The following COG6 variants were observed in gnomAD, a reference collection of about 807,000 sequenced individuals.
The protein encoded by COG6 is conserved oligomeric Golgi complex subunit 6.
COG6 carries 74 observed loss-of-function variants against 88.8 expected under a neutral mutation model. The observed-to-expected ratio is 0.83, with a 90% CI of 0.69 to 1.01. COG6 has a LOEUF of 1.01. Ranked by LOEUF, COG6 falls within the 50% of genes least tolerant of loss-of-function variation. The probability of loss-of-function intolerance (pLI) is 0.00; values close to 1 mark genes in which losing one functional copy is unlikely to be tolerated. For synonymous variants in COG6, 286 were observed against 278.7 expected (o/e 1.03, Z -0.26); for missense variants, 800 against 797.9 (o/e 1.00, Z -0.03).
chr13:39,687,754 GA>G lies in COG6; in HGVS notation c.968del (p.Lys323ArgfsTer8). 1 of 1,614,022 alleles carries G rather than the reference GA, an allele frequency of 6.2e-7. No individual in the cohort carries two copies. The highest frequency in any genetic ancestry group is 8.5e-7 in the Non-Finnish European group (1 of 1,179,976). On this transcript the variant is annotated frameshift_variant, in exon 10 of 19. Transcript: ENST00000455146. LOFTEE classifies it high-confidence loss of function. The part of the protein sequence containing the change: ...LAWLHQATAS[E>X]KEHLEALLKH... ...TTGGCTCCATCAAGCTACTGCTTCT[GA>G]AAAGGAACACCTTGAAGCTCTCTTA...
chr13:39,680,115 C>T (rs1309340144), intron 7 of COG6, 70 bp downstream of exon 7: 4 of 867,258 alleles, frequency 4.6e-6, no homozygotes, highest in Admixed American at 1.9e-5. Context: ...TTTACTTGGT[C>T]TTTATTTGAT....
chr13:39,786,930 A>C (rs1282777152), intron 18 of COG6, among the ~76,000 whole-genome samples: 1 of 152,228 alleles, frequency 6.6e-6, no homozygotes, highest in East Asian at 1.9e-4. Flanking sequence ...AAAGATTTGC[A>C]TCTGAAATGC....
intron 12 of COG6, among the ~76,000 whole-genome samples, chr13:39,699,285 C>T (rs1877441631): frequency 6.6e-6 from 1 of 151,664 alleles, no homozygotes; most frequent in South Asian, 2.1e-4. Flanking sequence ...ATATTGAAAA[C>T]ATAGTAGTTT....
At chr13:39,788,630 T>G in exon 19 of COG6, 1 of 453,268 alleles carries the variant, frequency 2.2e-6, no homozygotes, top group Non-Finnish European at 4.0e-6. Flanking sequence ...TAAGTAAATG[T>G]ATGCAAAGCA....
At chr13:39,709,067 C>G (rs1878098433) in intron 13 of COG6, among the ~76,000 whole-genome samples, 1 of 152,006 alleles carries the variant, frequency 6.6e-6, no homozygotes, top group Non-Finnish European at 1.5e-5. Context: ...TACTCAAATT[C>G]TAACTTTTCC....
Position 39,699,617 on chromosome 13 carries a change from A to C in COG6, c.1283A>C (p.Lys428Thr). The stretch of plus-strand genomic sequence containing the variant: ...CTTCATGCAAGTAAATTAATGGACA[A>C]GGTATGTTTGAAAAATGTAATTATT... The part of the protein sequence containing the change: ...LSLHASKLMD[K>T]VELPPPDLGP... Residue 428 changes from lysine (K) to threonine (T), a missense_variant and splice_region_variant, in exon 13 of 19, where the codon AAG becomes ACG. Transcript: ENST00000455146. The C allele has an allele frequency of 7.8e-7, 1 of 1,278,436 alleles. No homozygotes were observed. The highest frequency in any genetic ancestry group is 1.1e-6 in the Non-Finnish European group (1 of 875,352). 79.2% of individuals were successfully genotyped at this position (1,278,436 alleles called of 1,614,324 possible).
chr13:39,710,555 C>A (rs575667497), intron 13 of COG6, among the ~76,000 whole-genome samples: 24 of 152,012 alleles, frequency 1.6e-4, no homozygotes, highest in Non-Finnish European at 2.9e-4. Context: ...AGAGTAGTAG[C>A]ATAGGATGAT....
chr13:39,737,553 A>T (rs1327450711), intron 18 of COG6, among the ~76,000 whole-genome samples: 1 of 149,450 alleles, frequency 6.7e-6, no homozygotes, highest in Admixed American at 6.7e-5. Flanking sequence ...AGTCCTTCCC[A>T]TGCTTCTGTC....
chr13:39,719,720 G>T lies in COG6; in HGVS notation c.1477G>T (p.Gly493Cys), dbSNP rs1207071017. The change falls in exon 15 of 19, where the codon GGC (glycine) becomes TGC (cysteine). Residue 493 changes from glycine to cysteine, a missense_variant. Physicochemically the swap from Gly to Cys is radical, Grantham distance 159. Coordinates refer to ENST00000455146, the MANE Select transcript of COG6 (RefSeq NM_020751.3). The stretch of plus-strand genomic sequence containing the variant: ...GTGTACTGTATCAGCCAGCAATTTA[G>T]GCACAGCTGACATGGCCACTTTCAT... ...QMCTVSASNL[G>C]TADMATFMVN... 6.2e-7 allele frequency: 1 copy of T among 1,612,578 alleles called. No individual in the cohort carries two copies. The highest frequency in any genetic ancestry group is 8.5e-7 in the Non-Finnish European group (1 of 1,178,938).
At chr13:39,676,924 A>G (rs1876006799) in intron 4 of COG6, among the ~76,000 whole-genome samples, 1 of 152,158 alleles carries the variant, frequency 6.6e-6, no homozygotes, top group South Asian at 2.1e-4. Flanking sequence ...TTATTACTAT[A>G]TTTTGTAGAA....
chr13:39,772,354 C>T (rs1881342662), intron 18 of COG6, among the ~76,000 whole-genome samples: 1 of 152,206 alleles, frequency 6.6e-6, no homozygotes, highest in African/African-American at 2.4e-5. Context: ...ATAAACATCT[C>T]TTGAGTCCTA....
intron 1 of COG6, among the ~76,000 whole-genome samples, chr13:39,658,063 CT>C (rs57263267): frequency 0.024 from 3,352 of 139,460 alleles, 83 homozygotes; most frequent in African/African-American, 0.066. Flanking sequence ...ATTCTTGTCA[CT>C]TTTTTTTTTT....
At chr13:39,658,105 A>G (rs1001057057) in intron 1 of COG6, among the ~76,000 whole-genome samples, 1 of 148,686 alleles carries the variant, frequency 6.7e-6, no homozygotes, top group Non-Finnish European at 1.5e-5. Context: ...ATCCACAAAC[A>G]TATCTTATAG....
At position 39,741,140 on chromosome 13, in the gene COG6, T is replaced by G. The variant is rs534381577; in HGVS notation, c.1827-9806T>G. On this transcript the variant is annotated intron_variant, in intron 18 of 18. Transcript: ENST00000455146. ...TTATTTAGAATACAGTAAATTTCTT[T>G]GAACATATTTTAAAATGAGAATAAT... 2.6e-5 allele frequency among the ~76,000 whole-genome samples: 4 copies of G among 152,292 alleles called. No homozygotes were observed. The South Asian group carries it at 8.3e-4, about 32-fold the overall frequency.
intron 18 of COG6, among the ~76,000 whole-genome samples, chr13:39,760,971 G>A (rs904855241): frequency 6.6e-6 from 1 of 151,474 alleles, no homozygotes; most frequent in Admixed American, 6.6e-5. Context: ...GAGTGCCTTA[G>A]CCATTCTTGG....
chr13:39,661,661 A>G (rs1208604700), intron 3 of COG6, among the ~76,000 whole-genome samples: 1 of 151,894 alleles, frequency 6.6e-6, no homozygotes, highest in Admixed American at 6.6e-5. Flanking sequence ...TATTATTGGC[A>G]TGTTTATTGT....
intron 18 of COG6, among the ~76,000 whole-genome samples, chr13:39,760,434 A>C (rs912115785): frequency 2.0e-5 from 3 of 152,164 alleles, no homozygotes; most frequent in Admixed American, 2.0e-4. Context: ...CAAAGATATA[A>C]GCAAGCCAAG....
At chr13:39,772,183 C>G (rs1881335830) in intron 18 of COG6, among the ~76,000 whole-genome samples, 1 of 152,160 alleles carries the variant, frequency 6.6e-6, no homozygotes, top group East Asian at 1.9e-4. Flanking sequence ...CACATTGTTT[C>G]CTGAAATGTC....
At chr13:39,670,407 C>T (rs1593412144) in intron 4 of COG6, among the ~76,000 whole-genome samples, 1 of 151,838 alleles carries the variant, frequency 6.6e-6, no homozygotes, top group Admixed American at 6.6e-5. Context: ...TTTTTAAGTT[C>T]AGTATGTTAA....
Sources: gnomAD v4.1 joint callset for allele counts (sites outside exome capture counted in the v4.1 genomes callset) on GRCh38, gnomAD v4.1.1 for gene constraint, MANE v1.5 for transcripts, NCBI Gene and HGNC (gene_info 2026-07-23, HGNC 2026-07-21) for gene names.